Variants in FABP6 observed in about 807,000 individuals in gnomAD.
The protein encoded by FABP6 is gastrotropin.
A neutral mutation model predicts 14.9 loss-of-function variants in FABP6; 13 were observed. The observed-to-expected ratio is 0.87, with a 90% CI of 0.57 to 1.39. The LOEUF (loss-of-function observed/expected upper bound fraction) is 1.39. Among genes scored for constraint, FABP6 ranks in the 40% most tolerant of loss-of-function variants. The pLI, the probability that FABP6 is intolerant of heterozygous loss-of-function variation, is 0.00. For missense variants in FABP6, 161 were observed against 167.2 expected, an observed-to-expected ratio of 0.96 and a Z score of 0.20; for synonymous variants, 75 against 63.6, an observed-to-expected ratio of 1.18 and a Z score of -0.85.
At chr5:160,209,307 A>T (rs1759836123) in intron 2 of FABP6, among the ~76,000 whole-genome samples, 1 of 151,988 alleles carries the variant, frequency 6.6e-6, no homozygotes, top group Non-Finnish European at 1.5e-5. Flanking sequence ...ACTTGAGCCC[A>T]GGAGTTTGAG....
intron 2 of FABP6, among the ~76,000 whole-genome samples, chr5:160,211,207 T>A (rs1165667285): frequency 1.3e-5 from 2 of 152,106 alleles, no homozygotes; most frequent in Non-Finnish European, 2.9e-5. Flanking sequence ...CTTCTGTCAG[T>A]GTACTTCTGT....
chr5:160,236,016 GT>G (rs370153866), intron 3 of FABP6, among the ~76,000 whole-genome samples: 153 of 126,840 alleles, frequency 1.2e-3, no homozygotes, highest in Admixed American at 2.6e-3. Flanking sequence ...TCTCATGTCT[GT>G]TTTTTTTTTT....
intron 3 of FABP6, among the ~76,000 whole-genome samples, chr5:160,224,240 A>G (rs1367215157): frequency 6.6e-6 from 1 of 151,918 alleles, no homozygotes; most frequent in Non-Finnish European, 1.5e-5. Flanking sequence ...CATCTCAAAA[A>G]TAAATAAATA....
At chr5:160,216,521 G>C (rs1421701791) in intron 3 of FABP6, among the ~76,000 whole-genome samples, 4 of 152,114 alleles carry the variant, frequency 2.6e-5, no homozygotes, top group African/African-American at 9.7e-5. Flanking sequence ...ACCCACCTCA[G>C]CCTCCCAAAA....
chr5:160,229,400 G>T (rs561225176), upstream of FABP6: 69 of 1,480,114 alleles, frequency 4.7e-5, no homozygotes, highest in African/African-American at 7.8e-4. Flanking sequence ...TCATAAAACA[G>T]CAAGTGCTTC....
At chr5:160,207,070 C>G (rs187058832) in intron 2 of FABP6, among the ~76,000 whole-genome samples, 2 of 152,288 alleles carry the variant, frequency 1.3e-5, no homozygotes, top group East Asian at 3.9e-4. Flanking sequence ...ATTTATGCCA[C>G]TGGGCATTCT....
chr5:160,233,181 C>T (rs1276163149), intron 2 of FABP6, among the ~76,000 whole-genome samples: 1 of 151,868 alleles, frequency 6.6e-6, no homozygotes, highest in Admixed American at 6.6e-5. Context: ...AGGGTTTCAT[C>T]ATGTTGACCA....
intron 2 of FABP6, among the ~76,000 whole-genome samples, chr5:160,212,732 G>C (rs1007699279): frequency 5.3e-5 from 8 of 152,154 alleles, no homozygotes; most frequent in African/African-American, 1.9e-4. Context: ...GCCTCCCAAA[G>C]TGTTGGGATT....
intron 1 of FABP6, among the ~76,000 whole-genome samples, chr5:160,190,885 G>A (rs1412735081): frequency 6.6e-6 from 1 of 151,896 alleles, no homozygotes; most frequent in Non-Finnish European, 1.5e-5. Context: ...GGCCGAGGCG[G>A]GCGGATCATG....
chr5:160,202,179 C>T (rs191572827), intron 2 of FABP6, among the ~76,000 whole-genome samples: 9 of 152,240 alleles, frequency 5.9e-5, no homozygotes, highest in South Asian at 2.1e-4. Flanking sequence ...GATATTGAGA[C>T]GACACAATCC....
At chr5:160,198,886 T>C (rs1580899034) in intron 1 of FABP6, 1 of 575,456 alleles carries the variant, frequency 1.7e-6, no homozygotes. Flanking sequence ...ATCTTCTTAA[T>C]TCCTGGAGGG....
chr5:160,237,645 A>G (rs1348593713), intron 3 of FABP6, among the ~76,000 whole-genome samples: 1 of 151,584 alleles, frequency 6.6e-6, no homozygotes, highest in Non-Finnish European at 1.5e-5. Flanking sequence ...CATCCATCCC[A>G]TATGCAAATC....
intron 3 of FABP6, among the ~76,000 whole-genome samples, chr5:160,218,249 A>G (rs1038224206): frequency 6.6e-6 from 1 of 151,982 alleles, no homozygotes; most frequent in Non-Finnish European, 1.5e-5. Flanking sequence ...CATTAGTAAC[A>G]TCCCCTTCAG....
chr5:160,231,035 G>T (rs1760369062), intron 1 of FABP6, among the ~76,000 whole-genome samples: 1 of 152,184 alleles, frequency 6.6e-6, no homozygotes, highest in Non-Finnish European at 1.5e-5. Flanking sequence ...TATCTAAAAA[G>T]TCTCAGGCAG....
chr5:160,218,129 G>A (rs1760054938), intron 3 of FABP6, among the ~76,000 whole-genome samples: 1 of 151,740 alleles, frequency 6.6e-6, no homozygotes, highest in Non-Finnish European at 1.5e-5. Flanking sequence ...TTTTTTTTAG[G>A]GACAAGTTCT....
intron 2 of FABP6, among the ~76,000 whole-genome samples, chr5:160,208,042 C>A (rs148835543): frequency 6.6e-6 from 1 of 152,102 alleles, no homozygotes; most frequent in Non-Finnish European, 1.5e-5. Flanking sequence ...CTTCTTTAGA[C>A]TTTTCTGCAT....
chr5:160,187,765 A>ATTTATTTT (rs1759315334), intron 1 of FABP6, among the ~76,000 whole-genome samples: 1 of 151,302 alleles, frequency 6.6e-6, no homozygotes, highest in African/African-American at 2.4e-5. Context: ...TTATTTATTT[A>ATTTATTTT]TTTTTTGAGA....
At chr5:160,205,096 C>T (rs914208692) in intron 2 of FABP6, among the ~76,000 whole-genome samples, 9 of 152,058 alleles carry the variant, frequency 5.9e-5, no homozygotes, top group African/African-American at 2.2e-4. Context: ...GTGGTAGTCT[C>T]GTCTCCCACT....
At chr5:160,228,130 G>A (rs893263552), upstream of FABP6, among the ~76,000 whole-genome samples, 6 of 152,006 alleles carry the variant, frequency 3.9e-5, no homozygotes, top group East Asian at 1.9e-4. Context: ...GGTGGCTCAC[G>A]TCTGTAATCC....
Sources: allele counts gnomAD v4.1 joint callset (sites outside exome capture counted in the v4.1 genomes callset), GRCh38; gene constraint gnomAD v4.1.1; transcripts MANE v1.5; gene names NCBI Gene and HGNC (gene_info 2026-07-23, HGNC 2026-07-21).